Variants in CSMD1 observed in about 807,000 individuals in gnomAD.
CSMD1 encodes CUB and sushi domain-containing protein 1.
Under a neutral mutation model 417.5 loss-of-function variants are expected in CSMD1, and 213 were observed. The observed-to-expected ratio is 0.51, with a 90% CI of 0.46 to 0.57. CSMD1 has a LOEUF of 0.57. CSMD1 is among the 20% of genes least tolerant of loss of function. CSMD1 has a pLI of 0.00. For missense variants in CSMD1, 6,923 were observed against 4,529.7 expected, an observed-to-expected ratio of 1.53 and a Z score of -15.17; for synonymous variants, 2,862 against 1,736.8, an observed-to-expected ratio of 1.65 and a Z score of -16.11.
rs140533692 is a variant in CSMD1 at position 4,949,996 on chromosome 8, C to G, written c.85+44336G>C. Among the ~76,000 whole-genome samples, 847 of 152,024 alleles carry G rather than the reference C, an allele frequency of 5.6e-3. 6 individuals carry two copies. Among genetic ancestry groups the G allele is most frequent in the African/African-American group, 0.02 (809 of 41,474 alleles). On this transcript the variant is annotated intron_variant, in intron 1 of 69. Transcript: ENST00000635120. ...CAAATGTTTTTTATCTAATTGGTCA[C>G]GACTATTGATTGAGATTAAAGCAAA...
chr8:4,546,795 T>C (rs550332354), intron 2 of CSMD1, among the ~76,000 whole-genome samples: 1 of 151,810 alleles, frequency 6.6e-6, no homozygotes, highest in Non-Finnish European at 1.5e-5. Context: ...TATATAAAAA[T>C]ATATGCATAG....
At chr8:3,958,013 G>C (rs1403119560) in intron 5 of CSMD1, among the ~76,000 whole-genome samples, 27 of 152,094 alleles carry the variant, frequency 1.8e-4, no homozygotes, top group Non-Finnish European at 2.9e-5. Context: ...TTAAACCAGA[G>C]AAGACAACTA....
intron 50 of CSMD1, among the ~76,000 whole-genome samples, chr8:3,031,994 A>T (rs1045702930): frequency 2.6e-5 from 4 of 151,144 alleles, no homozygotes; most frequent in African/African-American, 9.7e-5. Context: ...ATATATACAC[A>T]TAATATAATT....
At chr8:2,958,905 C>T (rs1803233203) in intron 62 of CSMD1, among the ~76,000 whole-genome samples, 1 of 151,938 alleles carries the variant, frequency 6.6e-6, no homozygotes, top group Non-Finnish European at 1.5e-5. Flanking sequence ...AAGTAAAATG[C>T]AAGGAAATAG....
At chr8:3,631,910 G>C (rs866485874) in intron 7 of CSMD1, among the ~76,000 whole-genome samples, 4 of 152,126 alleles carry the variant, frequency 2.6e-5, no homozygotes, top group African/African-American at 9.7e-5. Context: ...GACTGACGAA[G>C]CAAAACCCCC....
chr8:4,327,140 G>A (rs4409417), intron 3 of CSMD1, among the ~76,000 whole-genome samples: 1 of 151,990 alleles, frequency 6.6e-6, no homozygotes, highest in Non-Finnish European at 1.5e-5. Context: ...TCATTGACAA[G>A]GTCTACTAGA....
At chr8:3,162,047 T>A in intron 38 of CSMD1, 112 bp downstream of exon 38, 1 of 693,094 alleles carries the variant, frequency 1.4e-6, no homozygotes, top group South Asian at 1.7e-5. Flanking sequence ...AATAGTATGA[T>A]TCACAAACTG....
At chr8:3,455,114 G>A (rs950695495) in intron 12 of CSMD1, among the ~76,000 whole-genome samples, 1 of 152,116 alleles carries the variant, frequency 6.6e-6, no homozygotes. Flanking sequence ...CGGCTACTGA[G>A]GCTTGTGCAT....
At chr8:3,430,021 TAA>T (rs1814117280) in intron 12 of CSMD1, among the ~76,000 whole-genome samples, 1 of 152,162 alleles carries the variant, frequency 6.6e-6, no homozygotes, top group Non-Finnish European at 1.5e-5. Flanking sequence ...AATTTAATTA[TAA>T]AAGAGGATAA....
chr8:4,936,659 G>C (rs138338113), intron 1 of CSMD1, among the ~76,000 whole-genome samples: 16 of 152,208 alleles, frequency 1.1e-4, no homozygotes, highest in African/African-American at 3.9e-4. Flanking sequence ...GCTAGTTATG[G>C]ACATTATTAA....
At chr8:3,834,006 T>G (rs1181848059) in intron 5 of CSMD1, among the ~76,000 whole-genome samples, 2 of 152,146 alleles carry the variant, frequency 1.3e-5, no homozygotes, top group African/African-American at 2.4e-5. Context: ...TCAGGTGAAT[T>G]AAGGATTTAA....
chr8:4,381,033 G>A (rs759876557), intron 3 of CSMD1, among the ~76,000 whole-genome samples: 5 of 152,142 alleles, frequency 3.3e-5, no homozygotes, highest in Non-Finnish European at 5.9e-5. Context: ...AATGGGAAAT[G>A]GGTTAAGGAA....
chr8:3,878,367 A>G (rs1805972522), intron 5 of CSMD1, among the ~76,000 whole-genome samples: 2 of 152,200 alleles, frequency 1.3e-5, no homozygotes, highest in Non-Finnish European at 2.9e-5. Context: ...TATTTGATAC[A>G]CGAAGAAAAT....
chr8:4,808,271 C>A (rs905151692), intron 1 of CSMD1, among the ~76,000 whole-genome samples: 9 of 152,114 alleles, frequency 5.9e-5, no homozygotes, highest in African/African-American at 2.2e-4. Context: ...ACTACAGATG[C>A]TGGTTGAAAA....
chr8:4,064,641 G>T (rs1424962068), intron 3 of CSMD1, among the ~76,000 whole-genome samples: 1 of 152,270 alleles, frequency 6.6e-6, no homozygotes, highest in Middle Eastern at 3.4e-3. Context: ...CACATACATG[G>T]TTTCTATGGC....
intron 1 of CSMD1, among the ~76,000 whole-genome samples, chr8:4,947,976 T>TA (rs943505637): frequency 2.0e-5 from 3 of 152,166 alleles, no homozygotes; most frequent in Admixed American, 6.5e-5. Context: ...AAGATATCCA[T>TA]AAAAAAATCT....
At chr8:3,542,149 T>A (rs1473768096) in intron 10 of CSMD1, among the ~76,000 whole-genome samples, 1 of 152,222 alleles carries the variant, frequency 6.6e-6, no homozygotes, top group Non-Finnish European at 1.5e-5. Flanking sequence ...CCCTTTAAAG[T>A]TACATTATTA....
At chr8:4,027,261 T>C (rs562521516) in intron 4 of CSMD1, among the ~76,000 whole-genome samples, 1 of 152,290 alleles carries the variant, frequency 6.6e-6, no homozygotes, top group South Asian at 2.1e-4. Context: ...ATAAAAGAAA[T>C]GTTAGGATGA....
At chr8:4,617,063 T>A (rs1801511026) in intron 2 of CSMD1, among the ~76,000 whole-genome samples, 2 of 152,120 alleles carry the variant, frequency 1.3e-5, no homozygotes, top group South Asian at 2.1e-4. Flanking sequence ...CTTATTTTTA[T>A]AAATAATAGA....
Sources: gnomAD v4.1 joint callset for allele counts (sites outside exome capture counted in the v4.1 genomes callset) on GRCh38, gnomAD v4.1.1 for gene constraint, MANE v1.5 for transcripts, NCBI Gene and HGNC (gene_info 2026-07-23, HGNC 2026-07-21) for gene names.